Variants in FAS observed in about 807,000 individuals in gnomAD.
FAS encodes the protein tumor necrosis factor receptor superfamily member 6.
FAS carries 5 observed loss-of-function variants against 33.2 expected under a neutral mutation model. The observed-to-expected ratio is 0.15, with a 90% CI of 0.08 to 0.32. The LOEUF is 0.32. FAS is among the 10% of genes least tolerant of loss of function. The pLI, the probability that FAS is intolerant of heterozygous loss-of-function variation, is 1.00. For missense variants in FAS, 339 were observed against 386.0 expected, an observed-to-expected ratio of 0.88 and a Z score of 1.02; for synonymous variants, 131 against 130.7, an observed-to-expected ratio of 1.00 and a Z score of -0.01.
rs1848786857 is a variant in FAS at position 89,015,884 on chromosome 10, A to C, written c.*1434A>C. On this transcript the variant is annotated 3_prime_UTR_variant, in exon 9 of 9. Coordinates refer to ENST00000652046, the MANE Select transcript of FAS (RefSeq NM_000043.6). ...ATAACTTGTCTTTAATGCTTCTTGG[A>C]TCCCTTAGAAGGTACTTCCTTTTTA... The C allele has an allele frequency of 2.7e-6, 1 of 364,282 alleles. No individual in the cohort carries two copies. The highest frequency in any genetic ancestry group is 5.1e-6 in the Non-Finnish European group (1 of 194,406). The allele number at this position is 364,282 out of a possible 1,614,324, so 22.6% of individuals were successfully genotyped here. A position where few individuals can be genotyped will look rare whatever the true frequency, so the allele number is the denominator to read the frequency against.
At position 89,016,869 on chromosome 10, in the gene FAS, G is replaced by C. The variant is rs1848825174; in HGVS notation, c.*2419G>C. 1 of 201,606 alleles carries C rather than the reference G, an allele frequency of 5.0e-6. No homozygotes were observed. The highest frequency in any genetic ancestry group is 1.0e-5 in the Non-Finnish European group (1 of 98,088). 12.5% of individuals were successfully genotyped at this position (201,606 alleles called of 1,614,324 possible). ...CACAGGGTCTTCTGACCTCTGATTA[G>C]ATCAGACACTTTTTAGATATTGAAT... On this transcript the variant is annotated 3_prime_UTR_variant, in exon 9 of 9. Coordinates refer to ENST00000652046, the MANE Select transcript of FAS (RefSeq NM_000043.6).
chr10:89,007,875 T>G, intron 3 of FAS, 38 bp downstream of exon 3: 3 of 1,612,710 alleles, frequency 1.9e-6, no homozygotes, highest in Non-Finnish European at 2.5e-6. Context: ...AGGCCAATCT[T>G]GGAATTTCAT....
chr10:88,992,229 G>T (rs1847280047), intron 1 of FAS: 1 of 152,120 alleles, frequency 6.6e-6, no homozygotes. Context: ...AAAAAATCCT[G>T]TTCCTTTCAG....
chr10:89,008,678 G>A (rs1207554004), intron 3 of FAS, among the ~76,000 whole-genome samples: 1 of 152,172 alleles, frequency 6.6e-6, no homozygotes, highest in East Asian at 1.9e-4. Context: ...GTATTGGTGA[G>A]GTTTGTCTTG....
At chr10:88,964,925 C>A (rs1042065974) in intron 1 of FAS, among the ~76,000 whole-genome samples, 1 of 152,122 alleles carries the variant, frequency 6.6e-6, no homozygotes, top group Admixed American at 6.6e-5. Flanking sequence ...AACTTTCACT[C>A]CAAGCTTTAC....
chr10:88,978,499 T>C (rs1017162961), intron 2 of FAS, among the ~76,000 whole-genome samples: 2 of 152,242 alleles, frequency 1.3e-5, no homozygotes, highest in Non-Finnish European at 1.5e-5. Context: ...TGAATACATT[T>C]GTTGTACTCT....
intron 1 of FAS, among the ~76,000 whole-genome samples, chr10:88,998,512 A>G (rs189220128): frequency 6.6e-6 from 1 of 152,192 alleles, no homozygotes; most frequent in Non-Finnish European, 1.5e-5. Context: ...CCCTATTAAC[A>G]CCATTTTAAC....
upstream of FAS, among the ~76,000 whole-genome samples, chr10:88,987,416 A>C (rs1846934812): frequency 1.3e-5 from 2 of 152,200 alleles, no homozygotes; most frequent in African/African-American, 4.8e-5. Flanking sequence ...CAATTTCAGA[A>C]CCAAATGCAT....
chr10:88,975,750 CCAGGAGATACTTGACAGAG>C (rs1351041594), intron 2 of FAS, among the ~76,000 whole-genome samples: 3 of 152,082 alleles, frequency 2.0e-5, no homozygotes, highest in Non-Finnish European at 4.4e-5. Context: ...AGGCCACAAA[CCAGGAGATACTTGACAGAG>C]CAGGAGGTGA....
Position 88,974,228 on chromosome 10 carries a change from TC to T in FAS, n.260+882del, listed in dbSNP as rs964385925. On this transcript the variant is annotated intron_variant and non_coding_transcript_variant, in intron 2 of 3. Transcript: ENST00000688239. ...TACCCTGACTAACGTGGGTGGAATT[TC>T]ATTTGGCTTGACTCTTTGGTGAAAA... is the stretch of plus-strand genomic sequence containing the variant. 17 of 151,894 alleles carry T rather than the reference TC, an allele frequency of 1.1e-4. No homozygotes were observed. In the East Asian group the frequency reaches 2.7e-3, roughly 24 times the overall value. 9.4% of individuals were successfully genotyped at this position (151,894 alleles called of 1,614,324 possible).
chr10:88,975,023 T>C (rs1846531009), intron 2 of FAS: 1 of 152,250 alleles, frequency 6.6e-6, no homozygotes. Flanking sequence ...AGTTAGATGA[T>C]GCAAATTGTT....
chr10:88,980,169 C>T (rs969106102), intron 2 of FAS, among the ~76,000 whole-genome samples: 1 of 151,676 alleles, frequency 6.6e-6, no homozygotes, highest in Non-Finnish European at 1.5e-5. Context: ...GTTTTAGGCA[C>T]GATAAGAATT....
At chr10:88,989,514 C>G (rs930485104), upstream of FAS, 2 of 544,312 alleles carry the variant, frequency 3.7e-6, no homozygotes, top group Admixed American at 3.8e-5. Context: ...GGGTCTTCCT[C>G]ATGGCACTAA....
At chr10:88,984,986 A>C (rs1391133797), upstream of FAS, among the ~76,000 whole-genome samples, 1 of 152,274 alleles carries the variant, frequency 6.6e-6, no homozygotes, top group Non-Finnish European at 1.5e-5. Context: ...TAGGTAAATA[A>C]AATGACATTT....
chr10:88,975,021 G>A (rs753776975), intron 2 of FAS: 5 of 152,182 alleles, frequency 3.3e-5, no homozygotes, highest in Admixed American at 6.5e-5. Flanking sequence ...TCAGTTAGAT[G>A]ATGCAAATTG....
At chr10:89,007,365 C>T (rs1848285759) in intron 2 of FAS, among the ~76,000 whole-genome samples, 1 of 152,178 alleles carries the variant, frequency 6.6e-6, no homozygotes, top group African/African-American at 2.4e-5. Context: ...CAACCAACCT[C>T]TCCCCTTTCT....
chr10:89,010,894 A>G (rs1040168699), intron 6 of FAS, 79 bp downstream of exon 6: 7 of 1,510,852 alleles, frequency 4.6e-6, no homozygotes, highest in Admixed American at 3.3e-5. Context: ...ATTCTTACCT[A>G]TAAAAAGCTA....
intron 2 of FAS, 55 bp from the exon 3 acceptor site, chr10:89,007,645 C>T (rs1848304861): frequency 6.2e-7 from 1 of 1,603,446 alleles, no homozygotes; most frequent in African/African-American, 1.3e-5. Flanking sequence ...ATAGTTCCCA[C>T]CCTGTTACCT....
chr10:88,994,023 A>G (rs898512971), intron 1 of FAS, among the ~76,000 whole-genome samples: 1 of 152,254 alleles, frequency 6.6e-6, no homozygotes, highest in Non-Finnish European at 1.5e-5. Flanking sequence ...TCTAATGTTC[A>G]TGCCTGAAAT....
Sources: gnomAD v4.1 joint callset for allele counts (sites outside exome capture counted in the v4.1 genomes callset) on GRCh38, gnomAD v4.1.1 for gene constraint, MANE v1.5 for transcripts, NCBI Gene and HGNC (gene_info 2026-07-23, HGNC 2026-07-21) for gene names.